LZTS1: variants seen among roughly 807,000 people sequenced by gnomAD.
LZTS1 encodes leucine zipper putative tumor suppressor 1.
A neutral mutation model predicts 45.8 loss-of-function variants in LZTS1; 31 were observed. The observed-to-expected ratio is 0.68, with a 90% CI of 0.51 to 0.91. LZTS1 has a LOEUF of 0.91. Among genes scored for constraint, LZTS1 ranks in the 40% least tolerant of loss-of-function variants. The pLI is 0.00. For missense variants in LZTS1, 821 were observed against 788.9 expected (o/e 1.04, Z -0.49); for synonymous variants, 359 against 357.3 (o/e 1.00, Z -0.05).
chr8:20,289,607 G>C (rs1800862625), intron 1 of LZTS1, among the ~76,000 whole-genome samples: 1 of 152,216 alleles, frequency 6.6e-6, no homozygotes, highest in South Asian at 2.1e-4. Context: ...GGAGGGCTCT[G>C]GGTTTGTGTG....
intron 1 of LZTS1, among the ~76,000 whole-genome samples, chr8:20,284,299 T>TA (rs1292803896): frequency 6.6e-6 from 1 of 152,078 alleles, no homozygotes; most frequent in East Asian, 1.9e-4. Context: ...CAGGGCCATT[T>TA]AAAAGGGAGT....
rs544771230 is a variant in LZTS1 at position 20,253,276 on chromosome 8, G to A, written c.655C>T (p.Leu219Phe). 1 of 1,614,136 alleles carries A rather than the reference G, an allele frequency of 6.2e-7. No homozygotes were observed. The highest frequency in any genetic ancestry group is 8.5e-7 in the Non-Finnish European group (1 of 1,180,052). ...AGGCTCATCATGTTGCTGTCCTGGAGGACGATGCCCTGGGTGATGTTGTGG... is the reference window on the plus strand; with the variant it reads ...AGGCTCATCATGTTGCTGTCCTGGAAGACGATGCCCTGGGTGATGTTGTGG... ...SAHNITQGIV[L>F]QDSNMMSLKA... Residue 219 changes from leucine to phenylalanine, a missense_variant, in exon 3 of 4, where the codon CTC becomes TTC. Physicochemically the swap from Leu to Phe is conservative, Grantham distance 22. Coordinates refer to ENST00000381569, the MANE Select transcript of LZTS1 (RefSeq NM_021020.5).
At chr8:20,300,867 C>G (rs554084516) in intron 1 of LZTS1, among the ~76,000 whole-genome samples, 1 of 152,200 alleles carries the variant, frequency 6.6e-6, no homozygotes, top group South Asian at 2.1e-4. Context: ...TGCCTGTAAT[C>G]CCAACACTTT....
Position 20,248,287 on chromosome 8 carries a change from T to A in LZTS1, c.*1435A>T, listed in dbSNP as rs1799789275. Reference sequence around the variant, plus strand: ...GTGAGCTATGATCATGCCACTGCACTCCAGCCTGGGGGACAGAGCAAGACC... The same window carrying A: ...GTGAGCTATGATCATGCCACTGCACACCAGCCTGGGGGACAGAGCAAGACC... On this transcript the variant is annotated 3_prime_UTR_variant, in exon 4 of 4. Coordinates refer to ENST00000381569, the MANE Select transcript of LZTS1 (RefSeq NM_021020.5). 3.9e-5 allele frequency: 6 copies of A among 152,412 alleles called. No individual in the cohort carries two copies. The allele number at this position is 152,412 out of a possible 1,614,324, so 9.4% of individuals were successfully genotyped here.
chr8:20,266,559 C>A lies in LZTS1; in HGVS notation c.-134-11244G>T, dbSNP rs182898530. ...TCACCTGGGGGAAGTGCATCCACCCCCTTCCTCAACAACCAATCCTGTTCG... is the reference window on the plus strand; with the variant it reads ...TCACCTGGGGGAAGTGCATCCACCCACTTCCTCAACAACCAATCCTGTTCG... On this transcript the variant is annotated intron_variant, in intron 1 of 3. Coordinates refer to ENST00000381569, the MANE Select transcript of LZTS1 (RefSeq NM_021020.5). Among the ~76,000 whole-genome samples the A allele has an allele frequency of 3.2e-3, 491 of 152,146 alleles. 3 individuals carry two copies. The highest frequency in any genetic ancestry group is 5.5e-3 in the Non-Finnish European group (372 of 68,012).
At chr8:20,271,078 C>T (rs1425418937) in intron 1 of LZTS1, among the ~76,000 whole-genome samples, 1 of 152,082 alleles carries the variant, frequency 6.6e-6, no homozygotes, top group Non-Finnish European at 1.5e-5. Flanking sequence ...GTGTGCTCAA[C>T]AGCATGGGAG....
intron 1 of LZTS1, among the ~76,000 whole-genome samples, chr8:20,284,943 C>G (rs1159957095): frequency 6.6e-6 from 1 of 152,136 alleles, no homozygotes; most frequent in South Asian, 2.1e-4. Context: ...AGGCTGTGAT[C>G]GAAACTGATC....
chr8:20,271,711 G>A (rs946148371), intron 1 of LZTS1, among the ~76,000 whole-genome samples: 4 of 152,216 alleles, frequency 2.6e-5, no homozygotes, highest in Admixed American at 1.3e-4. Flanking sequence ...GTGGAAAAGC[G>A]CCTCTCCCTC....
intron 1 of LZTS1, among the ~76,000 whole-genome samples, chr8:20,301,811 T>G (rs745611007): frequency 6.6e-6 from 1 of 152,052 alleles, no homozygotes; most frequent in Non-Finnish European, 1.5e-5. Flanking sequence ...CACACACAGC[T>G]GGGGGCACCT....
chr8:20,249,697 C>T lies in LZTS1; in HGVS notation c.*25G>A, dbSNP rs747512188. ...GCCCTGCCTCCCAGTGCCAGGTCCCCAGACTCGCCTTCCCAGGCAGCCCCT... is the reference window on the plus strand; with the variant it reads ...GCCCTGCCTCCCAGTGCCAGGTCCCTAGACTCGCCTTCCCAGGCAGCCCCT... On this transcript the variant is annotated 3_prime_UTR_variant, in exon 4 of 4. Transcript: ENST00000381569. 6.3e-7 allele frequency: 1 copy of T among 1,578,074 alleles called. No individual in the cohort carries two copies. The highest frequency in any genetic ancestry group is 1.3e-5 in the African/African-American group (1 of 74,478).
At chr8:20,296,591 T>G in intron 1 of LZTS1, among the ~76,000 whole-genome samples, 1 of 152,086 alleles carries the variant, frequency 6.6e-6, no homozygotes, top group South Asian at 2.1e-4. Flanking sequence ...CTCTGAAGAT[T>G]TGTGTAATGT....
chr8:20,277,554 G>A (rs1018234118), intron 1 of LZTS1, among the ~76,000 whole-genome samples: 1 of 152,118 alleles, frequency 6.6e-6, no homozygotes, highest in Non-Finnish European at 1.5e-5. Flanking sequence ...CCTCTTTCCA[G>A]TAACAAGTAT....
chr8:20,282,014 C>T (rs1186439225), intron 1 of LZTS1, among the ~76,000 whole-genome samples: 1 of 152,160 alleles, frequency 6.6e-6, no homozygotes, highest in Non-Finnish European at 1.5e-5. Context: ...AGGCTCCGTT[C>T]TCTCTGATGT....
chr8:20,266,940 T>G (rs1486226904), intron 1 of LZTS1, among the ~76,000 whole-genome samples: 1 of 151,586 alleles, frequency 6.6e-6, no homozygotes, highest in Non-Finnish European at 1.5e-5. Flanking sequence ...AAACCCTGTC[T>G]CTACTAAAAA....
Position 20,249,473 on chromosome 8 carries a change from C to A in LZTS1, c.*249G>T. ...GGAGCCCTTAACCAAAGCAGACAGA[C>A]CCCTGGACCCATCTCCTGGGAAAGC... On this transcript the variant is annotated 3_prime_UTR_variant, in exon 4 of 4. Coordinates refer to ENST00000381569, the MANE Select transcript of LZTS1 (RefSeq NM_021020.5). 2 of 558,604 alleles carry A rather than the reference C, an allele frequency of 3.6e-6. No individual in the cohort carries two copies. The highest frequency in any genetic ancestry group is 6.4e-6 in the Non-Finnish European group (2 of 313,696). The allele number at this position is 558,604 out of a possible 1,614,324, so 34.6% of individuals were successfully genotyped here. A position where few individuals can be genotyped will look rare whatever the true frequency, so the allele number is the denominator to read the frequency against.
chr8:20,274,407 C>G (rs565941569), intron 1 of LZTS1, among the ~76,000 whole-genome samples: 3 of 152,170 alleles, frequency 2.0e-5, no homozygotes, highest in African/African-American at 7.2e-5. Flanking sequence ...TCCTAGGGAA[C>G]CCCTTGGAAT....
chr8:20,303,403 A>G (rs575870256), intron 1 of LZTS1, among the ~76,000 whole-genome samples: 2 of 152,110 alleles, frequency 1.3e-5, no homozygotes, highest in Non-Finnish European at 2.9e-5. Flanking sequence ...CTCCGACACC[A>G]GTGTCACCTA....
chr8:20,294,149 T>G (rs1471541903), intron 1 of LZTS1, among the ~76,000 whole-genome samples: 1 of 152,204 alleles, frequency 6.6e-6, no homozygotes, highest in African/African-American at 2.4e-5. Flanking sequence ...CAGGCTCTTT[T>G]GTGTCCTGAC....
At chr8:20,259,065 C>T (rs1182609254) in intron 1 of LZTS1, among the ~76,000 whole-genome samples, 1 of 152,134 alleles carries the variant, frequency 6.6e-6, no homozygotes, top group Admixed American at 6.5e-5. Flanking sequence ...GGCCAAAAGA[C>T]CCTCCCGTGC....
Sources: allele counts gnomAD v4.1 joint callset (sites outside exome capture counted in the v4.1 genomes callset), GRCh38; gene constraint gnomAD v4.1.1; transcripts MANE v1.5; gene names NCBI Gene and HGNC (gene_info 2026-07-23, HGNC 2026-07-21).